COL25A1: variants seen among roughly 807,000 people sequenced by gnomAD.
COL25A1 encodes the protein collagen type XXV alpha 1 chain, also known as collagen alpha-1(XXV) chain.
In COL25A1, 103 loss-of-function variants were observed where a neutral mutation model predicts 128.4. The ratio of observed to expected loss-of-function variants is 0.80; its 90% confidence interval spans 0.68 to 0.94. The LOEUF (loss-of-function observed/expected upper bound fraction) is 0.94. COL25A1 is among the 40% of genes least tolerant of loss of function. The pLI is 0.00. For synonymous variants in COL25A1, 279 were observed against 277.2 expected (o/e 1.01, Z -0.06); for missense variants, 745 against 840.0 (o/e 0.89, Z 1.40).
chr4:108,872,689 T>TACAC (rs141600363), intron 19 of COL25A1, among the ~76,000 whole-genome samples: 2,796 of 110,796 alleles, frequency 0.025, 38 homozygotes, highest in Non-Finnish European at 0.031. Flanking sequence ...TTGATATATA[T>TACAC]ATACACACAC....
At chr4:109,122,905 G>A (rs544587903) in intron 3 of COL25A1, among the ~76,000 whole-genome samples, 4 of 152,152 alleles carry the variant, frequency 2.6e-5, no homozygotes, top group East Asian at 3.9e-4. Context: ...AGGAATGACC[G>A]TAGAGCAGAC....
intron 3 of COL25A1, among the ~76,000 whole-genome samples, chr4:109,219,576 C>A (rs553569816): frequency 3.3e-5 from 5 of 152,232 alleles, no homozygotes; most frequent in African/African-American, 1.2e-4. Context: ...TAAAGCTGGG[C>A]ATGAGTTCTG....
At chr4:108,857,638 C>A (rs772674126) in intron 24 of COL25A1, among the ~76,000 whole-genome samples, 23 of 150,180 alleles carry the variant, frequency 1.5e-4, no homozygotes, top group Middle Eastern at 3.5e-3. Flanking sequence ...TATACAGGTA[C>A]AGATCTGTCA....
Position 108,827,200 on chromosome 4 carries a change from A to T in COL25A1, c.1711-12T>A, listed in dbSNP as rs368110836. 2.5e-6 allele frequency: 4 copies of T among 1,613,296 alleles called. No individual in the cohort carries two copies. In the African/African-American group the frequency reaches 5.3e-5, roughly 22 times the overall value. ...GCTCCTTTTTCACCCTAAAATGAAAAGTAGAAAGTTCAAATCATACACACC... is the reference window on the plus strand; with the variant it reads ...GCTCCTTTTTCACCCTAAAATGAAATGTAGAAAGTTCAAATCATACACACC... On this transcript the variant is annotated splice_polypyrimidine_tract_variant and intron_variant, in intron 32 of 37. Coordinates refer to ENST00000399132, the MANE Select transcript of COL25A1 (RefSeq NM_198721.4).
At chr4:108,958,106 T>A (rs1371940881) in intron 8 of COL25A1, among the ~76,000 whole-genome samples, 3 of 152,128 alleles carry the variant, frequency 2.0e-5, no homozygotes, top group Non-Finnish European at 4.4e-5. Flanking sequence ...TGCACTCAGA[T>A]AAATTAACTT....
intron 6 of COL25A1, among the ~76,000 whole-genome samples, chr4:108,977,749 G>A (rs1265409535): frequency 6.6e-6 from 1 of 152,190 alleles, no homozygotes; most frequent in Non-Finnish European, 1.5e-5. Context: ...TCCTGGAGAA[G>A]CTAAATAGCC....
chr4:108,830,147 A>C (rs1323630654), intron 32 of COL25A1, among the ~76,000 whole-genome samples: 1 of 152,240 alleles, frequency 6.6e-6, no homozygotes, highest in Non-Finnish European at 1.5e-5. Flanking sequence ...TGAAATATTA[A>C]CACGGGGATT....
chr4:109,273,419 A>G (rs535947375), intron 3 of COL25A1, among the ~76,000 whole-genome samples: 1 of 152,288 alleles, frequency 6.6e-6, no homozygotes, highest in East Asian at 1.9e-4. Flanking sequence ...CTATAGAAGG[A>G]GCAAACTGGC....
At position 108,811,138 on chromosome 4, in the gene COL25A1, T is replaced by C. The variant is rs906056318; in HGVS notation, c.*2789A>G. ...AACACATATCAACAAACACAATTCT[T>C]TCATTCACTTAGAAATTATTTAAGA... On this transcript the variant is annotated 3_prime_UTR_variant, in exon 38 of 38. Coordinates refer to ENST00000399132, the MANE Select transcript of COL25A1 (RefSeq NM_198721.4). The C allele has an allele frequency of 6.6e-6, 1 of 152,102 alleles. No individual in the cohort carries two copies. The highest frequency in any genetic ancestry group is 1.5e-5 in the Non-Finnish European group (1 of 67,924). 9.4% of individuals were successfully genotyped at this position (152,102 alleles called of 1,614,324 possible).
rs75934710 is a variant in COL25A1, at chr4:108,923,039, G to A, written c.709-2435C>T. 4.6e-3 allele frequency among the ~76,000 whole-genome samples: 698 copies of A among 152,236 alleles called. 14 individuals are homozygous for A. The East Asian group carries it at 0.062, about 14-fold the overall frequency. ...GGCAGACAGACACACACACACACGTGTGCGCATGCATGCACACATCCAGAA... is the reference window on the plus strand; with the variant it reads ...GGCAGACAGACACACACACACACGTATGCGCATGCATGCACACATCCAGAA... On this transcript the variant is annotated intron_variant, in intron 11 of 37. Transcript: ENST00000399132.
intron 5 of COL25A1, among the ~76,000 whole-genome samples, chr4:109,034,251 T>G (rs1759133667): frequency 6.6e-6 from 1 of 152,186 alleles, no homozygotes; most frequent in Non-Finnish European, 1.5e-5. Context: ...GAAACACATT[T>G]GATATGGTTT....
At chr4:109,261,342 CCTCATCTCTA>C (rs1781430898) in intron 3 of COL25A1, among the ~76,000 whole-genome samples, 1 of 152,070 alleles carries the variant, frequency 6.6e-6, no homozygotes, top group South Asian at 2.1e-4. Context: ...CATCACGAAA[CCTCATCTCTA>C]CTAAAAATAC....
At chr4:109,212,123 T>A (rs181476056) in intron 3 of COL25A1, among the ~76,000 whole-genome samples, 1 of 152,280 alleles carries the variant, frequency 6.6e-6, no homozygotes, top group Non-Finnish European at 1.5e-5. Flanking sequence ...GGAATGATGA[T>A]CTGGTTATCC....
intron 3 of COL25A1, among the ~76,000 whole-genome samples, chr4:109,099,424 G>A (rs1765688062): frequency 6.6e-6 from 1 of 152,048 alleles, no homozygotes; most frequent in Non-Finnish European, 1.5e-5. Flanking sequence ...AAAAGGTATA[G>A]CAAACCATTC....
chr4:109,006,106 A>T (rs1755942576), intron 6 of COL25A1, among the ~76,000 whole-genome samples: 1 of 152,200 alleles, frequency 6.6e-6, no homozygotes, highest in Non-Finnish European at 1.5e-5. Flanking sequence ...ACTGTATGTG[A>T]AAAGGATCAT....
At chr4:109,287,572 G>A (rs919709638) in intron 3 of COL25A1, among the ~76,000 whole-genome samples, 1 of 152,072 alleles carries the variant, frequency 6.6e-6, no homozygotes, top group African/African-American at 2.4e-5. Flanking sequence ...CAACCAGAAT[G>A]TAACTTGCTT....
chr4:109,200,173 G>A (rs911965669), intron 3 of COL25A1, among the ~76,000 whole-genome samples: 11 of 152,018 alleles, frequency 7.2e-5, no homozygotes, highest in South Asian at 4.2e-4. Context: ...TTCCATCGTC[G>A]AAGTCTTTCT....
intron 5 of COL25A1, among the ~76,000 whole-genome samples, chr4:109,036,359 C>T (rs1422773607): frequency 2.0e-5 from 3 of 152,150 alleles, no homozygotes; most frequent in African/African-American, 7.2e-5. Context: ...TCATTTTCCA[C>T]ACGACTTTCA....
At chr4:109,114,697 A>G (rs1767358714) in intron 3 of COL25A1, among the ~76,000 whole-genome samples, 1 of 152,112 alleles carries the variant, frequency 6.6e-6, no homozygotes, top group South Asian at 2.1e-4. Context: ...TTTGGCAGGT[A>G]CTAGAGTAAG....
Sources: gnomAD v4.1 joint callset for allele counts (sites outside exome capture counted in the v4.1 genomes callset) on GRCh38, gnomAD v4.1.1 for gene constraint, MANE v1.5 for transcripts, NCBI Gene and HGNC (gene_info 2026-07-23, HGNC 2026-07-21) for gene names.